The following GPR176 variants were observed in gnomAD, a reference collection of about 807,000 sequenced individuals.
The protein encoded by GPR176 is G protein-coupled receptor 176.
GPR176 carries 26 observed loss-of-function variants against 35.4 expected under a neutral mutation model. That is an observed-to-expected ratio of 0.74 (90% CI 0.54 to 1.02). The LOEUF is 1.02. GPR176 is among the 50% of genes least tolerant of loss of function. GPR176 has a pLI of 0.00. For synonymous variants in GPR176, 278 were observed against 271.3 expected (o/e 1.02, Z -0.24); for missense variants, 597 against 665.3 (o/e 0.90, Z 1.13).
chr15:39,809,917 G>A (rs923339722), intron 1 of GPR176, among the ~76,000 whole-genome samples: 3 of 152,018 alleles, frequency 2.0e-5, no homozygotes, highest in African/African-American at 4.8e-5. Context: ...AGGCTGAGGC[G>A]GGCGGATCAC....
chr15:39,820,141 C>G (rs1026909584), intron 1 of GPR176, among the ~76,000 whole-genome samples: 1 of 152,044 alleles, frequency 6.6e-6, no homozygotes, highest in African/African-American at 2.4e-5. Context: ...TTCTCCTGTC[C>G]CTGCAAGGAA....
chr15:39,918,115 T>C (rs929471743), intron 1 of GPR176, among the ~76,000 whole-genome samples: 2 of 151,372 alleles, frequency 1.3e-5, no homozygotes, highest in Admixed American at 1.3e-4. Flanking sequence ...CAGTTTGTCC[T>C]TTGGAGACAT....
chr15:39,866,986 G>T (rs1226813788), intron 1 of GPR176, among the ~76,000 whole-genome samples: 1 of 152,078 alleles, frequency 6.6e-6, no homozygotes, highest in Admixed American at 6.6e-5. Flanking sequence ...GGAAAGAATG[G>T]AAACCTGAGG....
intron 1 of GPR176, among the ~76,000 whole-genome samples, chr15:39,857,061 G>A (rs968759991): frequency 2.0e-5 from 3 of 152,136 alleles, no homozygotes; most frequent in African/African-American, 7.2e-5. Context: ...GGTTGAGTTT[G>A]GGGAAAGCTG....
At chr15:39,814,799 G>A (rs966109107) in intron 1 of GPR176, 1 of 152,150 alleles carries the variant, frequency 6.6e-6, no homozygotes, top group African/African-American at 2.4e-5. Context: ...AGTTTGTAGC[G>A]AAATTTTTAT....
intron 1 of GPR176, among the ~76,000 whole-genome samples, chr15:39,854,876 A>G (rs1223379224): frequency 2.6e-5 from 4 of 151,640 alleles, no homozygotes; most frequent in South Asian, 2.1e-4. Context: ...CCCCCACCAC[A>G]CCCCTAGTCT....
chr15:39,818,544 C>A (rs117331963), intron 1 of GPR176, among the ~76,000 whole-genome samples: 1 of 152,208 alleles, frequency 6.6e-6, no homozygotes, highest in African/African-American at 2.4e-5. Flanking sequence ...GAGACTCCAA[C>A]AATAGCTTCA....
At chr15:39,806,233 C>T (rs1304327632) in intron 2 of GPR176, among the ~76,000 whole-genome samples, 2 of 152,206 alleles carry the variant, frequency 1.3e-5, no homozygotes, top group African/African-American at 4.8e-5. Flanking sequence ...AACGTTTCCT[C>T]TATGTTAATC....
At chr15:39,827,292 T>C (rs887791671) in intron 1 of GPR176, among the ~76,000 whole-genome samples, 1 of 152,188 alleles carries the variant, frequency 6.6e-6, no homozygotes, top group Non-Finnish European at 1.5e-5. Context: ...TTCAGCCCTC[T>C]GCTGTCAAAA....
At chr15:39,917,210 G>C (rs2033748955) in intron 1 of GPR176, among the ~76,000 whole-genome samples, 1 of 151,768 alleles carries the variant, frequency 6.6e-6, no homozygotes, top group Admixed American at 6.6e-5. Context: ...TTGAAGCCGG[G>C]AGGCAGAGGT....
chr15:39,881,546 G>A (rs275735), intron 1 of GPR176, among the ~76,000 whole-genome samples: 151,743 of 152,362 alleles, frequency 1, 75,569 homozygotes, highest in Middle Eastern at 1. Context: ...ACAGCAATGC[G>A]GTTATGTTCT....
At chr15:39,805,751 G>A (rs1034129611) in intron 2 of GPR176, among the ~76,000 whole-genome samples, 5 of 152,260 alleles carry the variant, frequency 3.3e-5, no homozygotes, top group Admixed American at 1.3e-4. Context: ...GCCATCAGAA[G>A]GGAAGCCTGA....
intron 1 of GPR176, among the ~76,000 whole-genome samples, chr15:39,828,710 C>T (rs1900852858): frequency 1.3e-5 from 2 of 152,164 alleles, no homozygotes; most frequent in African/African-American, 4.8e-5. Context: ...TTATAAAGCA[C>T]CAAGAGAATC....
chr15:39,849,314 G>T (rs2030684676), intron 1 of GPR176, among the ~76,000 whole-genome samples: 1 of 152,030 alleles, frequency 6.6e-6, no homozygotes, highest in South Asian at 2.1e-4. Context: ...CCCCCAAAAA[G>T]AAATCTCCAG....
chr15:39,918,031 G>A (rs1196178861), intron 1 of GPR176, among the ~76,000 whole-genome samples: 1 of 121,186 alleles, frequency 8.3e-6, no homozygotes, highest in Non-Finnish European at 1.7e-5. Flanking sequence ...GGCAACAAGA[G>A]TGAAACTCTG....
At chr15:39,882,998 T>C (rs1432879770) in intron 1 of GPR176, among the ~76,000 whole-genome samples, 1 of 152,226 alleles carries the variant, frequency 6.6e-6, no homozygotes, top group African/African-American at 2.4e-5. Flanking sequence ...AACATGTTTA[T>C]GTTGAACACT....
At chr15:39,904,226 T>C (rs1012730402) in intron 1 of GPR176, among the ~76,000 whole-genome samples, 2 of 152,210 alleles carry the variant, frequency 1.3e-5, no homozygotes, top group African/African-American at 4.8e-5. Flanking sequence ...ACCTCCCATC[T>C]CATCCTATAA....
chr15:39,811,977 G>GCTCAA (rs1248941540), intron 1 of GPR176, among the ~76,000 whole-genome samples: 10 of 150,966 alleles, frequency 6.6e-5, no homozygotes, highest in African/African-American at 2.4e-4. Flanking sequence ...GATTTAGGAT[G>GCTCAA]CTCACAGTGT....
intron 1 of GPR176, among the ~76,000 whole-genome samples, chr15:39,845,110 C>T (rs2030325706): frequency 6.6e-6 from 1 of 152,080 alleles, no homozygotes. Context: ...AGAATTCTGG[C>T]CAGGACAGCA....
Sources: gnomAD v4.1 joint callset for allele counts (sites outside exome capture counted in the v4.1 genomes callset) on GRCh38, gnomAD v4.1.1 for gene constraint, MANE v1.5 for transcripts, NCBI Gene and HGNC (gene_info 2026-07-23, HGNC 2026-07-21) for gene names.